The following PARP4 variants were observed in gnomAD, a reference collection of about 807,000 sequenced individuals.
PARP4 encodes protein mono-ADP-ribosyltransferase PARP4.
In PARP4, 120 loss-of-function variants were observed where a neutral mutation model predicts 187.7. The ratio of observed to expected loss-of-function variants is 0.64; its 90% confidence interval spans 0.55 to 0.74. The LOEUF (loss-of-function observed/expected upper bound fraction) is 0.74. Ranked by LOEUF, PARP4 falls within the 30% of genes least tolerant of loss-of-function variation. The pLI is 0.00. For missense variants in PARP4, 1,836 were observed against 2,070.5 expected (o/e 0.89, Z 2.20); for synonymous variants, 654 against 740.9 (o/e 0.88, Z 1.90).
At chr13:24,460,819 G>A (rs1349672419) in intron 17 of PARP4, among the ~76,000 whole-genome samples, 1 of 152,076 alleles carries the variant, frequency 6.6e-6, no homozygotes, top group Non-Finnish European at 1.5e-5. Context: ...GGGACTACAG[G>A]CACGCACCAC....
At chr13:24,495,806 A>G (rs1308482120) in intron 6 of PARP4, among the ~76,000 whole-genome samples, 2 of 152,232 alleles carry the variant, frequency 1.3e-5, no homozygotes, top group Non-Finnish European at 2.9e-5. Context: ...AAGTCACTCC[A>G]TTTAAGACGG....
At chr13:24,510,945 A>C (rs1266591695) in intron 1 of PARP4, among the ~76,000 whole-genome samples, 1 of 150,642 alleles carries the variant, frequency 6.6e-6, no homozygotes, top group Non-Finnish European at 1.5e-5. Flanking sequence ...ACAGGCCTGC[A>C]CCACCATGCC....
At chr13:24,455,920 G>C (rs1174388971) in intron 21 of PARP4, among the ~76,000 whole-genome samples, 1 of 151,994 alleles carries the variant, frequency 6.6e-6, no homozygotes, top group Non-Finnish European at 1.5e-5. Flanking sequence ...ACCACACCCA[G>C]CCTAAGTTTC....
chr13:24,499,629 A>G (rs537087561), intron 4 of PARP4, among the ~76,000 whole-genome samples: 2 of 152,142 alleles, frequency 1.3e-5, no homozygotes, highest in Non-Finnish European at 2.9e-5. Context: ...TAGCGTCTGC[A>G]CTGGAAGATG....
At position 24,447,202 on chromosome 13, in the gene PARP4, G is replaced by C. The variant is rs1208931444; in HGVS notation, c.3115-16C>G. 6.4e-7 allele frequency: 1 copy of C among 1,562,772 alleles called. No homozygotes were observed. Among genetic ancestry groups the C allele is most frequent in the East Asian group, 2.3e-5 (1 of 43,132 alleles). The stretch of plus-strand genomic sequence containing the variant: ...GGTCTTCTATCTATTTATAAAAGAG[G>C]AATTATTTCTCTTTCAATGCTCCAT... On this transcript the variant is annotated splice_polypyrimidine_tract_variant and intron_variant, in intron 25 of 33. Transcript: ENST00000381989.
At chr13:24,467,049 C>T (rs4770690) in intron 17 of PARP4, among the ~76,000 whole-genome samples, 77,363 of 151,940 alleles carry the variant, frequency 0.51, 20,014 homozygotes, top group South Asian at 0.65. Context: ...TTCAACAGTA[C>T]GCTATCTAAG....
chr13:24,460,428 AGCTCTCTGCACACGTGG>A (rs1487947465), intron 17 of PARP4, among the ~76,000 whole-genome samples: 14 of 147,740 alleles, frequency 9.5e-5, no homozygotes, highest in Non-Finnish European at 1.8e-4. Flanking sequence ...CTCATGTGTG[AGCTCTCTGCACACGTGG>A]GCTCTGCTGC....
At chr13:24,463,204 A>G (rs1872294490) in intron 17 of PARP4, among the ~76,000 whole-genome samples, 1 of 152,186 alleles carries the variant, frequency 6.6e-6, no homozygotes, top group Admixed American at 6.5e-5. Flanking sequence ...CAGAAACCAT[A>G]TAAGCCAGAA....
chr13:24,437,686 T>C (rs1007351650), intron 30 of PARP4, among the ~76,000 whole-genome samples: 1 of 151,974 alleles, frequency 6.6e-6, no homozygotes, highest in Non-Finnish European at 1.5e-5. Context: ...TATGCAAAGA[T>C]CAAAAAATTG....
intron 31 of PARP4, among the ~76,000 whole-genome samples, chr13:24,432,892 T>C (rs6490922): frequency 0.94 from 142,769 of 152,210 alleles, 67,095 homozygotes; most frequent in East Asian, 0.99. Flanking sequence ...ACACAGGGAG[T>C]AGAAAGCAGG....
intron 9 of PARP4, among the ~76,000 whole-genome samples, chr13:24,491,286 A>C (rs1868632269): frequency 6.6e-6 from 1 of 151,884 alleles, no homozygotes; most frequent in Admixed American, 6.6e-5. Flanking sequence ...ATGCCTAGCT[A>C]ACTTCTTGTA....
intron 11 of PARP4, 79 bp from the exon 12 acceptor site, chr13:24,484,827 C>T: frequency 2.2e-6 from 2 of 890,786 alleles, no homozygotes; most frequent in African/African-American, 3.3e-5. Context: ...TGGCAGGTTC[C>T]TACTGAACTT....
Position 24,452,491 on chromosome 13 carries a change from C to T in PARP4, c.2929G>A (p.Asp977Asn), listed in dbSNP as rs1157564173. 1.2e-6 allele frequency: 2 copies of T among 1,613,942 alleles called. No homozygotes were observed. The highest frequency in any genetic ancestry group is 2.2e-5 in the South Asian group (2 of 91,078). ...AGGCTCTCATCCTGGAGGTGCCCAT[C>T]AGACACCAGGAGGATGTTCCGTGAC... Reference protein sequence around the residue: ...RGSRNILLVSDGHLQDESLTL... With the variant: ...RGSRNILLVSNGHLQDESLTL... Residue 977 changes from aspartate to asparagine, a missense_variant, in exon 24 of 34, where the codon GAT becomes AAT. By Grantham distance (23) the Asp-to-Asn change is conservative (BLOSUM62 1). Coordinates refer to ENST00000381989, the MANE Select transcript of PARP4 (RefSeq NM_006437.4).
chr13:24,473,729 A>C (rs535586252), intron 15 of PARP4, among the ~76,000 whole-genome samples: 3 of 151,658 alleles, frequency 2.0e-5, no homozygotes, highest in African/African-American at 7.3e-5. Flanking sequence ...TCAGCCTTTC[A>C]CCCCCACCAC....
chr13:24,451,226 G>A (rs1174019180), intron 24 of PARP4, among the ~76,000 whole-genome samples: 1 of 152,240 alleles, frequency 6.6e-6, no homozygotes, highest in Non-Finnish European at 1.5e-5. Context: ...GGGCTGCTGA[G>A]ACCAGGAGAC....
intron 1 of PARP4, among the ~76,000 whole-genome samples, chr13:24,512,252 T>C (rs1870053922): frequency 6.6e-6 from 1 of 152,268 alleles, no homozygotes; most frequent in Non-Finnish European, 1.5e-5. Context: ...ATTGTTTCTA[T>C]CACGGTGTTC....
At position 24,443,688 on chromosome 13, in the gene PARP4, C is replaced by T. The variant is rs1227928631; in HGVS notation, c.3409G>A (p.Glu1137Lys). Reference sequence around the variant, plus strand: ...TCATTTTCGTGAAGAATGCCATCTTCATAATCTCTGATTAGAGCTCGGGCT... The same window carrying T: ...TCATTTTCGTGAAGAATGCCATCTTTATAATCTCTGATTAGAGCTCGGGCT... Reference protein sequence around the residue: ...LAARALIRDYEDGILHENETS... With the variant: ...LAARALIRDYKDGILHENETS... Residue 1137 changes from glutamate (E) to lysine (K), a missense_variant, in exon 28 of 34, where the codon GAA becomes AAA. This residue lies in a region of PARP4 where 56 missense variants were observed against 56.6 expected (regional missense o/e 0.99). Transcript: ENST00000381989. 1 of 1,613,840 alleles carries T rather than the reference C, an allele frequency of 6.2e-7. No homozygotes were observed. Among genetic ancestry groups the T allele is most frequent in the Admixed American group, 1.7e-5 (1 of 60,018 alleles).
At chr13:24,443,041 A>C (rs957422959) in intron 28 of PARP4, among the ~76,000 whole-genome samples, 5 of 151,694 alleles carry the variant, frequency 3.3e-5, no homozygotes, top group Non-Finnish European at 5.9e-5. Flanking sequence ...GCAGCATCTG[A>C]GGAGAATAGG....
chr13:24,493,939 G>C (rs73154369), intron 7 of PARP4, among the ~76,000 whole-genome samples: 16,635 of 151,536 alleles, frequency 0.11, 987 homozygotes, highest in African/African-American at 0.12. Context: ...CCTCCTACCC[G>C]CTTTTCTTCC....
Sources: gnomAD v4.1 joint callset for allele counts (sites outside exome capture counted in the v4.1 genomes callset) on GRCh38, gnomAD v4.1.1 for gene constraint, gnomAD v4.1.1 regional missense constraint, MANE v1.5 for transcripts, NCBI Gene and HGNC (gene_info 2026-07-23, HGNC 2026-07-21) for gene names.